TENM3: variants seen among roughly 807,000 people sequenced by gnomAD.
TENM3 encodes the protein teneurin transmembrane protein 3.
Under a neutral mutation model 255.1 loss-of-function variants are expected in TENM3, and 63 were observed. That is an observed-to-expected ratio of 0.25 (90% CI 0.20 to 0.30). The LOEUF is 0.30. TENM3 is among the 10% of genes least tolerant of loss of function. The pLI is 1.00. For missense variants in TENM3, 2,929 were observed against 3,461.1 expected (o/e 0.85, Z 3.86); for synonymous variants, 1,306 against 1,322.3 (o/e 0.99, Z 0.27).
intron 1 of TENM3, among the ~76,000 whole-genome samples, chr4:182,273,879 G>T (rs556233465): frequency 1.3e-5 from 2 of 152,178 alleles, no homozygotes; most frequent in South Asian, 2.1e-4. Context: ...AAGGAGCTTT[G>T]TATTCTAAAG....
intron 3 of TENM3, among the ~76,000 whole-genome samples, chr4:182,568,731 C>T (rs142027523): frequency 8.5e-5 from 13 of 152,282 alleles, no homozygotes; most frequent in Non-Finnish European, 1.6e-4. Flanking sequence ...CAGGAAACAA[C>T]TCTGATGTCC....
chr4:181,758,571 C>A, the TENM3 span, among the ~76,000 whole-genome samples: 2 of 152,152 alleles, frequency 1.3e-5, no homozygotes, highest in East Asian at 3.9e-4. Flanking sequence ...GCTTTTTAAG[C>A]TGTGTTAAGA....
chr4:182,009,766 A>G, the TENM3 span, among the ~76,000 whole-genome samples: 1 of 152,166 alleles, frequency 6.6e-6, no homozygotes, highest in Non-Finnish European at 1.5e-5. Context: ...GGTTGGCTTA[A>G]CCAGATTCCA....
the TENM3 span, among the ~76,000 whole-genome samples, chr4:181,990,889 C>G: frequency 6.6e-6 from 1 of 152,050 alleles, no homozygotes; most frequent in Non-Finnish European, 1.5e-5. Context: ...TGATAGGAAA[C>G]AGATTCACAA....
chr4:181,520,585 A>G, the TENM3 span, among the ~76,000 whole-genome samples: 36,319 of 152,118 alleles, frequency 0.24, 4,918 homozygotes, highest in Non-Finnish European at 0.32. Context: ...GGAAATAACC[A>G]CGAAAACCAC....
At chr4:181,622,627 G>C in the TENM3 span, among the ~76,000 whole-genome samples, 1 of 152,188 alleles carries the variant, frequency 6.6e-6, no homozygotes, top group African/African-American at 2.4e-5. Context: ...AGTGAGCTGA[G>C]ATCGCGCCAC....
At chr4:182,311,263 T>C (rs1762427357) in intron 1 of TENM3, among the ~76,000 whole-genome samples, 1 of 152,340 alleles carries the variant, frequency 6.6e-6, no homozygotes, top group African/African-American at 2.4e-5. Flanking sequence ...TACTCCTGAG[T>C]TGAATTTCAC....
the TENM3 span, among the ~76,000 whole-genome samples, chr4:181,618,426 G>C: frequency 3.3e-5 from 5 of 152,334 alleles, no homozygotes; most frequent in African/African-American, 1.2e-4. Flanking sequence ...AAGGGTATTA[G>C]CTTATCAGCT....
upstream of TENM3, chr4:182,142,416 G>T: frequency 6.0e-6 from 1 of 167,018 alleles, no homozygotes. Context: ...CTCGAGTTTA[G>T]GGATTCTCCT....
chr4:181,580,403 G>T, the TENM3 span, among the ~76,000 whole-genome samples: 1 of 152,182 alleles, frequency 6.6e-6, no homozygotes, highest in East Asian at 1.9e-4. Context: ...CAACCCATTT[G>T]TGGAGCCCAG....
intron 3 of TENM3, among the ~76,000 whole-genome samples, chr4:182,425,310 G>C (rs1771120998): frequency 6.6e-6 from 1 of 152,130 alleles, no homozygotes; most frequent in Non-Finnish European, 1.5e-5. Flanking sequence ...TGTTCTGGTT[G>C]CTTAAGACAA....
chr4:181,785,690 A>G, the TENM3 span, among the ~76,000 whole-genome samples: 2 of 151,946 alleles, frequency 1.3e-5, no homozygotes, highest in Non-Finnish European at 2.9e-5. Context: ...AAATATTCCA[A>G]AATCTGCCTC....
At chr4:181,504,792 G>A in the TENM3 span, among the ~76,000 whole-genome samples, 1 of 152,214 alleles carries the variant, frequency 6.6e-6, no homozygotes, top group Non-Finnish European at 1.5e-5. Flanking sequence ...ATTTTGGACA[G>A]CTGTCTCCTA....
intron 1 of TENM3, among the ~76,000 whole-genome samples, chr4:182,254,125 G>A (rs367686365): frequency 4.0e-4 from 61 of 152,178 alleles, no homozygotes; most frequent in African/African-American, 1.2e-3. Flanking sequence ...CTGGTGGAGC[G>A]TATTTTCTCA....
chr4:182,264,453 C>G (rs1759098135), intron 1 of TENM3, among the ~76,000 whole-genome samples: 1 of 152,210 alleles, frequency 6.6e-6, no homozygotes, highest in Non-Finnish European at 1.5e-5. Context: ...TTTGAGGGTT[C>G]ATGTCATAGT....
the TENM3 span, among the ~76,000 whole-genome samples, chr4:181,738,625 T>G: frequency 1.3e-5 from 2 of 152,264 alleles, no homozygotes; most frequent in Admixed American, 1.3e-4. Flanking sequence ...TTGTTTTCTC[T>G]CGAGTCCCTG....
chr4:181,695,993 T>G, the TENM3 span, among the ~76,000 whole-genome samples: 12 of 152,122 alleles, frequency 7.9e-5, no homozygotes, highest in East Asian at 1.2e-3. Flanking sequence ...TTTACCATTT[T>G]GGAAATGTCA....
chr4:181,658,775 A>G, the TENM3 span, among the ~76,000 whole-genome samples: 1 of 152,208 alleles, frequency 6.6e-6, no homozygotes, highest in Non-Finnish European at 1.5e-5. Context: ...AATGAAAACA[A>G]CAAACAAACA....
At chr4:182,761,771 C>A (rs190657196) in intron 22 of TENM3, among the ~76,000 whole-genome samples, 13 of 152,212 alleles carry the variant, frequency 8.5e-5, no homozygotes, top group Admixed American at 1.3e-4. Context: ...TGGGAAAATT[C>A]TATTTTTGAT....
Sources: gnomAD v4.1 joint callset for allele counts (sites outside exome capture counted in the v4.1 genomes callset) on GRCh38, gnomAD v4.1.1 for gene constraint, MANE v1.5 for transcripts, NCBI Gene and HGNC (gene_info 2026-07-23, HGNC 2026-07-21) for gene names.